The following TIAM2 variants were observed in gnomAD, a reference collection of about 807,000 sequenced individuals.
TIAM2 encodes the protein TIAM Rac1 associated GEF 2.
TIAM2 carries 80 observed loss-of-function variants against 152.9 expected under a neutral mutation model. The ratio of observed to expected loss-of-function variants is 0.52; its 90% CI spans 0.44 to 0.63. The LOEUF (loss-of-function observed/expected upper bound fraction) is 0.63. TIAM2 is among the 30% of genes least tolerant of loss of function. TIAM2 has a pLI of 0.00. For missense variants in TIAM2, 1,965 were observed against 2,120.1 expected (o/e 0.93, Z 1.44); for synonymous variants, 804 against 838.0 (o/e 0.96, Z 0.70).
chr6:155,253,318 C>T, intron 24 of TIAM2: 3 of 431,878 alleles, frequency 6.9e-6, no homozygotes, highest in South Asian at 4.2e-5. Flanking sequence ...TTCCTTTCTG[C>T]CTTGATACCC....
At position 155,079,673 on chromosome 6, in the gene TIAM2, A is replaced by C. The variant is rs192739549; in HGVS notation, c.-208-10616A>C. Among the ~76,000 whole-genome samples, 296 of 152,344 alleles carry C rather than the reference A, an allele frequency of 1.9e-3. 3 individuals carry two copies. Among genetic ancestry groups the C allele is most frequent in the African/African-American group, 6.8e-3 (281 of 41,584 alleles). ...AAAAAATTTCTAATAGAGGCCAGGC[A>C]CAGTGGCTCACGCCTGTAATCCCAG... On this transcript the variant is annotated intron_variant, in intron 1 of 26. Transcript: ENST00000682666.
intron 1 of TIAM2, among the ~76,000 whole-genome samples, chr6:155,086,251 A>G (rs1260380886): frequency 1.3e-5 from 2 of 152,166 alleles, no homozygotes; most frequent in Non-Finnish European, 2.9e-5. Flanking sequence ...CTGTTTGGAG[A>G]TCTGAGTTCT....
At chr6:155,167,021 A>G (rs529479471) in intron 9 of TIAM2, among the ~76,000 whole-genome samples, 1 of 152,254 alleles carries the variant, frequency 6.6e-6, no homozygotes, top group African/African-American at 2.4e-5. Flanking sequence ...GCTTTTGTGA[A>G]TTGGGTAAGT....
At chr6:155,177,957 C>T (rs1226540857) in intron 10 of TIAM2, among the ~76,000 whole-genome samples, 5 of 151,884 alleles carry the variant, frequency 3.3e-5, no homozygotes, top group African/African-American at 7.3e-5. Context: ...GTCAGGAGAT[C>T]GAGACCATCC....
chr6:155,102,767 TTGTGTGTGTGTGTGTGTGTGTGTGTG>T (rs56117781), intron 2 of TIAM2, among the ~76,000 whole-genome samples: 16 of 145,652 alleles, frequency 1.1e-4, no homozygotes, highest in African/African-American at 4.1e-4. Flanking sequence ...GATTAATTTA[TTGTGTGTGTGTGTGTGTGTGTGTGTG>T]TGTGTGTGTG....
rs545591011 is a variant in TIAM2, at chr6:155,079,820, T to C, written c.-208-10469T>C. On this transcript the variant is annotated intron_variant, in intron 1 of 26. Transcript: ENST00000682666. ...AAAATCAGCTGGGCGTGATGGTGCA[T>C]GTCTGTAATCCCAGCTTCTCAGAAG... Among the ~76,000 whole-genome samples the C allele has an allele frequency of 1.9e-4, 29 of 152,280 alleles. No individual in the cohort carries two copies. The East Asian group carries it at 5.6e-3, about 29-fold the overall frequency.
intron 15 of TIAM2, among the ~76,000 whole-genome samples, chr6:155,237,679 G>A (rs1447562126): frequency 6.6e-6 from 1 of 152,246 alleles, no homozygotes; most frequent in Non-Finnish European, 1.5e-5. Flanking sequence ...CCACATGGAA[G>A]CTGTCAAGGC....
At chr6:155,202,029 T>C (rs926604153) in intron 14 of TIAM2, among the ~76,000 whole-genome samples, 1 of 64,734 alleles carries the variant, frequency 1.5e-5, no homozygotes, top group African/African-American at 7.1e-5. Flanking sequence ...ACATGAGTCA[T>C]AACAATAAAA....
chr6:155,146,327 G>A (rs2115062322), intron 6 of TIAM2, among the ~76,000 whole-genome samples: 1 of 152,292 alleles, frequency 6.6e-6, no homozygotes, highest in Admixed American at 6.5e-5. Context: ...GTTACAATGA[G>A]CTATGATTGT....
chr6:155,151,740 C>A (rs1264288821), intron 7 of TIAM2, among the ~76,000 whole-genome samples: 1 of 151,700 alleles, frequency 6.6e-6, no homozygotes, highest in Admixed American at 6.6e-5. Flanking sequence ...TGTATAGATA[C>A]AAGGGCCTGG....
At chr6:155,118,191 C>G (rs770740925) in intron 2 of TIAM2, among the ~76,000 whole-genome samples, 11 of 152,074 alleles carry the variant, frequency 7.2e-5, no homozygotes, top group Non-Finnish European at 1.5e-4. Flanking sequence ...CTGCCTTTTC[C>G]CTCTTACCTC....
intron 2 of TIAM2, among the ~76,000 whole-genome samples, chr6:155,094,501 T>C (rs978769801): frequency 1.2e-4 from 18 of 151,858 alleles, no homozygotes; most frequent in African/African-American, 4.1e-4. Context: ...AAGTGGTTTC[T>C]GTGTCTTTAG....
intron 4 of TIAM2, 79 bp downstream of exon 4, chr6:155,130,496 A>G (rs1391932880): frequency 8.8e-6 from 12 of 1,358,140 alleles, no homozygotes; most frequent in South Asian, 5.7e-5. Flanking sequence ...AGAAGCCACC[A>G]TAGAGTGTTG....
At chr6:155,018,276 T>G (rs957107626) in intron 1 of TIAM2, among the ~76,000 whole-genome samples, 6 of 147,746 alleles carry the variant, frequency 4.1e-5, no homozygotes, top group Admixed American at 1.4e-4. Flanking sequence ...CAGATAGATA[T>G]ATATATGTAT....
At chr6:155,032,250 A>G (rs1185464297) in intron 1 of TIAM2, among the ~76,000 whole-genome samples, 1 of 152,184 alleles carries the variant, frequency 6.6e-6, no homozygotes, top group Non-Finnish European at 1.5e-5. Flanking sequence ...TTGTCTGTGC[A>G]CAGGAATTAA....
At position 155,137,161 on chromosome 6, in the gene TIAM2, T is replaced by C. The variant is rs1230870932; in HGVS notation, c.1195-16T>C. On this transcript the variant is annotated splice_polypyrimidine_tract_variant and intron_variant, in intron 4 of 26. Transcript: ENST00000682666. ...AGCCGTAAGCTCTGATGGGTGATCATGTGTGTTTCTCACAGGAGCCGAGGT... is the reference window on the plus strand; with the variant it reads ...AGCCGTAAGCTCTGATGGGTGATCACGTGTGTTTCTCACAGGAGCCGAGGT... The C allele has an allele frequency of 7.5e-6, 12 of 1,608,270 alleles. No individual in the cohort carries two copies. Among genetic ancestry groups the C allele is most frequent in the Non-Finnish European group, 1.0e-5 (12 of 1,176,256 alleles).
At chr6:155,133,951 A>T (rs1314384392) in intron 4 of TIAM2, among the ~76,000 whole-genome samples, 2 of 152,124 alleles carry the variant, frequency 1.3e-5, no homozygotes, top group African/African-American at 4.8e-5. Context: ...TCCCGACCTC[A>T]GGTGATCCAC....
chr6:155,083,455 C>T (rs1395570238), intron 1 of TIAM2, among the ~76,000 whole-genome samples: 2 of 151,838 alleles, frequency 1.3e-5, no homozygotes, highest in Non-Finnish European at 2.9e-5. Context: ...GGCCACACAG[C>T]TGGTTTCCTG....
chr6:155,241,155 C>T (rs1204874521), intron 16 of TIAM2, among the ~76,000 whole-genome samples: 1 of 152,044 alleles, frequency 6.6e-6, no homozygotes, highest in Admixed American at 6.5e-5. Flanking sequence ...AGAACTGGGA[C>T]GCACACACTG....
Sources: allele counts gnomAD v4.1 joint callset (sites outside exome capture counted in the v4.1 genomes callset), GRCh38; gene constraint gnomAD v4.1.1; transcripts MANE v1.5; gene names NCBI Gene and HGNC (gene_info 2026-07-23, HGNC 2026-07-21).